Variants in LNX1 observed in about 807,000 individuals in gnomAD.
LNX1 encodes the protein E3 ubiquitin-protein ligase LNX.
Under a neutral mutation model 68.4 loss-of-function variants are expected in LNX1, and 54 were observed. The observed-to-expected ratio is 0.79, with a 90% confidence interval of 0.63 to 0.99. LNX1 has a LOEUF of 0.99. LNX1 is among the 50% of genes least tolerant of loss of function. The pLI, the probability that LNX1 is intolerant of heterozygous loss-of-function variation, is 0.00. For missense variants in LNX1, 906 were observed against 926.4 expected (o/e 0.98, Z 0.29); for synonymous variants, 336 against 350.0 (o/e 0.96, Z 0.45).
At chr4:53,481,694 C>T in intron 7 of LNX1, 26 bp downstream of exon 7, 1 of 1,602,806 alleles carries the variant, frequency 6.2e-7, no homozygotes, top group Non-Finnish European at 8.5e-7. Context: ...CTTGCAGGAG[C>T]AGGCGACCTG....
intron 2 of LNX1, among the ~76,000 whole-genome samples, chr4:53,606,240 A>G (rs1733228176): frequency 6.6e-6 from 1 of 152,158 alleles, no homozygotes; most frequent in South Asian, 2.1e-4. Context: ...ATCAGAAATG[A>G]CAAAGGGGAT....
At chr4:53,589,597 A>G (rs1228663978) in intron 1 of LNX1, among the ~76,000 whole-genome samples, 1 of 152,218 alleles carries the variant, frequency 6.6e-6, no homozygotes, top group Non-Finnish European at 1.5e-5. Flanking sequence ...TCACAACCAC[A>G]TTAGATCATG....
At chr4:53,510,895 T>C (rs1726282785) in intron 2 of LNX1, among the ~76,000 whole-genome samples, 1 of 152,180 alleles carries the variant, frequency 6.6e-6, no homozygotes, top group South Asian at 2.1e-4. Context: ...TAAAAGAAAC[T>C]GGCACCTTTC....
intron 1 of LNX1, among the ~76,000 whole-genome samples, chr4:53,589,164 TC>T (rs1560684020): frequency 6.6e-6 from 1 of 152,190 alleles, no homozygotes; most frequent in South Asian, 2.1e-4. Context: ...ACTGGACATT[TC>T]CCCCGAAAGG....
chr4:53,491,222 G>T (rs1299915468), intron 6 of LNX1, among the ~76,000 whole-genome samples: 3 of 151,518 alleles, frequency 2.0e-5, no homozygotes, highest in Non-Finnish European at 4.4e-5. Flanking sequence ...GTTAACAAGT[G>T]TAACATGAAA....
chr4:53,629,774 T>C (rs760701811), intron 1 of LNX1, among the ~76,000 whole-genome samples: 4 of 152,188 alleles, frequency 2.6e-5, no homozygotes, highest in Non-Finnish European at 4.4e-5. Flanking sequence ...CTGGAAAATG[T>C]GGAGGCCAAC....
chr4:53,546,509 C>T (rs953374266), intron 2 of LNX1, among the ~76,000 whole-genome samples: 4 of 152,188 alleles, frequency 2.6e-5, no homozygotes, highest in African/African-American at 7.2e-5. Flanking sequence ...ACGATGAATG[C>T]TTTACTCTTA....
At chr4:53,570,807 C>T (rs1017888571) in intron 2 of LNX1, among the ~76,000 whole-genome samples, 11 of 150,846 alleles carry the variant, frequency 7.3e-5, no homozygotes, top group African/African-American at 2.4e-4. Flanking sequence ...GCGGGCGGAT[C>T]ACGAGGTCAG....
At position 53,459,759 on chromosome 4, in the gene LNX1, T is replaced by G; in HGVS notation, c.*1148A>C. On this transcript the variant is annotated 3_prime_UTR_variant, in exon 11 of 11. Transcript: ENST00000263925. The stretch of plus-strand genomic sequence containing the variant: ...CATACACAGATTATCTGAGAAAAGG[T>G]CAAGGGTTCCACTTGGGCCACAGTT... The G allele has an allele frequency of 3.0e-6, 1 of 337,810 alleles. No homozygotes were observed. Among genetic ancestry groups the G allele is most frequent in the Non-Finnish European group, 5.5e-6 (1 of 183,182 alleles). 20.9% of individuals were successfully genotyped at this position (337,810 alleles called of 1,614,324 possible). A position where few individuals can be genotyped will look rare whatever the true frequency, so the allele number is the denominator to read the frequency against.
intron 2 of LNX1, among the ~76,000 whole-genome samples, chr4:53,544,612 G>A (rs1031963640): frequency 6.6e-6 from 1 of 152,242 alleles, no homozygotes; most frequent in Non-Finnish European, 1.5e-5. Context: ...AGACCCTGGA[G>A]TGGTAAGACA....
intron 4 of LNX1, among the ~76,000 whole-genome samples, chr4:53,504,485 C>A (rs1725731222): frequency 6.6e-6 from 1 of 152,214 alleles, no homozygotes; most frequent in Non-Finnish European, 1.5e-5. Context: ...ATCCAGGTTA[C>A]TCAAACTTTC....
At chr4:53,565,702 G>C (rs1304535618) in intron 2 of LNX1, among the ~76,000 whole-genome samples, 2 of 151,248 alleles carry the variant, frequency 1.3e-5, no homozygotes, top group African/African-American at 4.8e-5. Flanking sequence ...ATTACTCTGA[G>C]CTACGGGAGG....
chr4:53,512,194 T>C (rs1249080990), intron 2 of LNX1, among the ~76,000 whole-genome samples: 1 of 150,384 alleles, frequency 6.6e-6, no homozygotes, highest in Non-Finnish European at 1.5e-5. Context: ...CCCTTCCCTG[T>C]TAAAAAGGCT....
At chr4:53,467,515 G>C (rs1423695601) in intron 9 of LNX1, among the ~76,000 whole-genome samples, 1 of 152,136 alleles carries the variant, frequency 6.6e-6, no homozygotes, top group Non-Finnish European at 1.5e-5. Flanking sequence ...AGTTGAGAGA[G>C]GAAGGCTTCA....
At chr4:53,553,227 GAA>G in intron 2 of LNX1, among the ~76,000 whole-genome samples, 1 of 152,260 alleles carries the variant, frequency 6.6e-6, no homozygotes, top group Non-Finnish European at 1.5e-5. Flanking sequence ...TTTCAACAGG[GAA>G]AGTCAGGGTA....
intron 2 of LNX1, among the ~76,000 whole-genome samples, chr4:53,569,360 A>T (rs1399845016): frequency 7.5e-6 from 1 of 133,892 alleles, no homozygotes; most frequent in South Asian, 2.8e-4. Context: ...ATAACGCCGC[A>T]TATCTACAAC....
intron 2 of LNX1, among the ~76,000 whole-genome samples, chr4:53,570,925 G>A (rs942451555): frequency 1.3e-5 from 2 of 151,870 alleles, no homozygotes; most frequent in Admixed American, 6.6e-5. Flanking sequence ...TACTCTGGAG[G>A]CTGAGACAGG....
chr4:53,507,731 C>T (rs1379773438), intron 3 of LNX1, among the ~76,000 whole-genome samples: 2 of 152,176 alleles, frequency 1.3e-5, no homozygotes, highest in Non-Finnish European at 2.9e-5. Context: ...TGAAAAATTA[C>T]TGACACTGCA....
At chr4:53,527,243 A>G (rs1243378633) in intron 2 of LNX1, among the ~76,000 whole-genome samples, 1 of 152,238 alleles carries the variant, frequency 6.6e-6, no homozygotes, top group Non-Finnish European at 1.5e-5. Context: ...TTTTATTTCT[A>G]CATGTTCAGT....
Sources: gnomAD v4.1 joint callset for allele counts (sites outside exome capture counted in the v4.1 genomes callset) on GRCh38, gnomAD v4.1.1 for gene constraint, MANE v1.5 for transcripts, NCBI Gene and HGNC (gene_info 2026-07-23, HGNC 2026-07-21) for gene names.